Variants in KLF16 observed in about 807,000 individuals in gnomAD.
The protein encoded by KLF16 is KLF transcription factor 16, also known as Krueppel-like factor 16.
KLF16 carries 6 observed loss-of-function variants against 6.1 expected under a neutral mutation model. The ratio of observed to expected loss-of-function variants is 0.98; its 90% CI spans 0.54 to 1.93. The LOEUF is 1.93. Among genes scored for constraint, KLF16 ranks in the 30% most tolerant of loss-of-function variants. The pLI is 0.01. For missense variants in KLF16, 355 were observed against 363.8 expected (o/e 0.98, Z 0.20); for synonymous variants, 211 against 176.5 (o/e 1.20, Z -1.55).
At chr19:1,870,176 C>T in the KLF16 span, among the ~76,000 whole-genome samples, 10 of 145,530 alleles carry the variant, frequency 6.9e-5, no homozygotes, top group East Asian at 4.3e-4. Flanking sequence ...ATGATCTGCC[C>T]GCCTCGGCCT....
chr19:1,862,677 C>T, intron 1 of KLF16: 1 of 225,702 alleles, frequency 4.4e-6, no homozygotes, highest in Non-Finnish European at 8.7e-6. Context: ...GAGCCGGATG[C>T]TCCAACCACG....
At position 1,854,154 on chromosome 19, in the gene KLF16, G is replaced by C; in HGVS notation, c.*305C>G. On this transcript the variant is annotated 3_prime_UTR_variant, in exon 2 of 2. Transcript: ENST00000250916. ...CCCACCCCGGGAGGGGGGCAGCAGG[G>C]GGTGGTGGAGAGGAGAGGGGAGGAC... is the stretch of plus-strand genomic sequence containing the variant. The C allele has an allele frequency of 3.0e-6, 1 of 337,158 alleles. No homozygotes were observed. Among genetic ancestry groups the C allele is most frequent in the Non-Finnish European group, 5.3e-6 (1 of 188,278 alleles). The allele number at this position is 337,158 out of a possible 1,614,324, so 20.9% of individuals were successfully genotyped here. A position where few individuals can be genotyped will look rare whatever the true frequency, so the allele number is the denominator to read the frequency against.
At position 1,859,001 on chromosome 19, in the gene KLF16, G is replaced by A. The variant is rs542010551; in HGVS notation, c.457+4040C>T. Among the ~76,000 whole-genome samples, 25 of 152,200 alleles carry A rather than the reference G, an allele frequency of 1.6e-4. No individual in the cohort carries two copies. In the South Asian group the frequency reaches 4.3e-3, roughly 26 times the overall value. ...CCCCATCCCACTAGCTGGGGCACCT[G>A]CAGGCAGTTCCAGCTGCTCTCTGCA... On this transcript the variant is annotated intron_variant, in intron 1 of 1. Coordinates refer to ENST00000250916, the MANE Select transcript of KLF16 (RefSeq NM_031918.4).
the KLF16 span, among the ~76,000 whole-genome samples, chr19:1,873,053 C>T: frequency 6.6e-6 from 1 of 152,168 alleles, no homozygotes; most frequent in Non-Finnish European, 1.5e-5. Context: ...CACCTCAGGT[C>T]ACGGCCACCA....
chr19:1,859,722 A>T (rs1329831217), intron 1 of KLF16, among the ~76,000 whole-genome samples: 1 of 151,946 alleles, frequency 6.6e-6, no homozygotes, highest in African/African-American at 2.4e-5. Context: ...CCCCGCCACC[A>T]CGGACACAGT....
At chr19:1,854,881 C>G in intron 1 of KLF16, 121 bp from the exon 2 acceptor site, 1 of 1,057,244 alleles carries the variant, frequency 9.5e-7, no homozygotes, top group South Asian at 1.4e-5. Context: ...AGGCTGAGCT[C>G]TGGTGTGAGT....
At chr19:1,856,755 G>A (rs1034670943) in intron 1 of KLF16, among the ~76,000 whole-genome samples, 5 of 152,236 alleles carry the variant, frequency 3.3e-5, no homozygotes, top group African/African-American at 1.2e-4. Flanking sequence ...CGGGATTGGG[G>A]CTCGCGCCCC....
At chr19:1,875,510 G>A in the KLF16 span, 3 of 152,256 alleles carry the variant, frequency 2.0e-5, no homozygotes, top group Non-Finnish European at 4.4e-5. Flanking sequence ...GGTTAGGACT[G>A]GGAAAAACAC....
In KLF16 at chr19:1,853,386, C is replaced by T. The variant is rs1233243605; in HGVS notation, c.*1073G>A. ...ACCTCAACCACGGGCCAGGACCCAC[C>T]TCTTCCAAGCACCCAGGAGAAGGAG... On this transcript the variant is annotated 3_prime_UTR_variant, in exon 2 of 2. Transcript: ENST00000250916. 6.6e-6 allele frequency: 1 copy of T among 152,504 alleles called. No homozygotes were observed. The highest frequency in any genetic ancestry group is 1.5e-5 in the Non-Finnish European group (1 of 68,150). 9.4% of individuals were successfully genotyped at this position (152,504 alleles called of 1,614,324 possible).
chr19:1,854,897 A>T, intron 1 of KLF16, 137 bp from the exon 2 acceptor site: 2 of 901,728 alleles, frequency 2.2e-6, no homozygotes, highest in Non-Finnish European at 3.3e-6. Flanking sequence ...TGAGTTCAAA[A>T]CATGGAGAAG....
intron 1 of KLF16, among the ~76,000 whole-genome samples, chr19:1,856,846 G>C (rs1268029725): frequency 1.3e-5 from 2 of 152,062 alleles, no homozygotes; most frequent in Non-Finnish European, 2.9e-5. Context: ...ACATCCCACG[G>C]CTGGGTGCCG....
At chr19:1,865,831 G>C (rs539598898), upstream of KLF16, among the ~76,000 whole-genome samples, 1 of 152,318 alleles carries the variant, frequency 6.6e-6, no homozygotes, top group South Asian at 2.1e-4. Context: ...GCAGCGCCCG[G>C]CACAGGGCTC....
rs1243114805 is a variant in KLF16 at position 1,857,712 on chromosome 19, C to T, written c.458-2952G>A. 1.3e-5 allele frequency among the ~76,000 whole-genome samples: 2 copies of T among 151,916 alleles called. No individual in the cohort carries two copies. On this transcript the variant is annotated intron_variant, in intron 1 of 1. Coordinates refer to ENST00000250916, the MANE Select transcript of KLF16 (RefSeq NM_031918.4). This position sits in a 1 kb window ranked among gnomAD's most constrained non-coding sequence, Gnocchi z 4.7. ...CGGCTGCCTGCCGGGGCACTCACGT[C>T]CACCTAACAGGTGGGGTCGGGTCTG...
the KLF16 span, chr19:1,874,766 A>C: frequency 2.0e-5 from 3 of 149,104 alleles, no homozygotes; most frequent in African/African-American, 2.5e-5. Flanking sequence ...AAAAAAAAAA[A>C]AAAAAAAAAA....
intron 1 of KLF16, among the ~76,000 whole-genome samples, chr19:1,856,275 G>A (rs1236816773): frequency 6.6e-6 from 1 of 152,158 alleles, no homozygotes; most frequent in Middle Eastern, 3.2e-3. Flanking sequence ...AGCTGAGGAG[G>A]GGCACGGGAG....
the KLF16 span, chr19:1,874,746 CAAAAAAAAAAAAA>C: frequency 3.7e-3 from 155 of 42,004 alleles, no homozygotes; most frequent in African/African-American, 1.0e-2. Context: ...GTCAGAGTCC[CAAAAAAAAAAAAA>C]AAAAAAAAAA....
chr19:1,872,258 G>C, the KLF16 span, among the ~76,000 whole-genome samples: 1 of 152,158 alleles, frequency 6.6e-6, no homozygotes, highest in Admixed American at 6.5e-5. Context: ...AGCCTCCCGA[G>C]TAGCTGGGAC....
chr19:1,868,461 CTTTTTTTTTTT>C (rs762308559), upstream of KLF16, among the ~76,000 whole-genome samples: 25 of 110,056 alleles, frequency 2.3e-4, no homozygotes, highest in Middle Eastern at 4.6e-3. Context: ...CAGATTAGGG[CTTTTTTTTTTT>C]TTTTTTTTTT....
the KLF16 span, among the ~76,000 whole-genome samples, chr19:1,874,699 C>G: frequency 7.3e-6 from 1 of 136,704 alleles, no homozygotes; most frequent in African/African-American, 2.9e-5. Context: ...AGAAACACTT[C>G]CGGGTCAGCC....
Sources: allele counts gnomAD v4.1 joint callset (sites outside exome capture counted in the v4.1 genomes callset), GRCh38; gene constraint gnomAD v4.1.1; non-coding constraint Gnocchi (gnomAD v3.1); transcripts MANE v1.5; gene names NCBI Gene and HGNC (gene_info 2026-07-23, HGNC 2026-07-21).